Variants in PCDH1 observed in about 807,000 individuals in gnomAD.
PCDH1 encodes protocadherin 1.
PCDH1 carries 23 observed loss-of-function variants against 74.6 expected under a neutral mutation model. That is an observed-to-expected ratio of 0.31 (90% CI 0.22 to 0.44). PCDH1 has a LOEUF of 0.44. PCDH1 is among the 20% of genes least tolerant of loss of function. The probability of loss-of-function intolerance (pLI) is 1.00; values close to 1 mark genes in which losing one functional copy is unlikely to be tolerated. For synonymous variants in PCDH1, 647 were observed against 686.1 expected, an observed-to-expected ratio of 0.94 and a Z score of 0.89; for missense variants, 1,214 against 1,641.4, an observed-to-expected ratio of 0.74 and a Z score of 4.50.
In PCDH1 at chr5:141,854,299, A is replaced by G; in HGVS notation, c.3457T>C (p.Ser1153Pro). The change falls in exon 5 of 5, where the codon TCC becomes CCC. Residue 1153 changes from serine (S) to proline (P), a missense_variant. Transcript: ENST00000287008. ...RRTKSSALKL[S>P]TFVPYQDRGG... ...CGGTCCTGGTAAGGCACGAAGGTGGAGAGTTTGAGGGCGCTGCTCTTGGTC... is the reference window on the plus strand; with the variant it reads ...CGGTCCTGGTAAGGCACGAAGGTGGGGAGTTTGAGGGCGCTGCTCTTGGTC... 1.2e-6 allele frequency: 2 copies of G among 1,613,690 alleles called. No homozygotes were observed. Among genetic ancestry groups the G allele is most frequent in the Non-Finnish European group, 1.7e-6 (2 of 1,179,922 alleles).
At chr5:141,855,527 A>G (rs376194139) in intron 4 of PCDH1, among the ~76,000 whole-genome samples, 116 of 152,088 alleles carry the variant, frequency 7.6e-4, no homozygotes, top group African/African-American at 2.6e-3. Context: ...ACACAAATCT[A>G]CTACAGTGGG....
chr5:141,863,655 C>A lies in PCDH1; in HGVS notation c.2676G>T (p.Glu892Asp). 1 of 1,614,184 alleles carries A rather than the reference C, an allele frequency of 6.2e-7. No homozygotes were observed. The highest frequency in any genetic ancestry group is 8.5e-7 in the Non-Finnish European group (1 of 1,180,016). ...AKSGYQAGKK[E>D]TKDLYAPKPS... is the part of the protein sequence containing the mutation. ...GCTTGGGGGCATACAGGTCCTTGGT[C>A]TCCTTCTTACCAGCCTGGTAACCAC... The change falls in exon 3 of 5, where the codon GAG becomes GAT. Residue 892 changes from glutamate (E) to aspartate (D), a missense_variant. By Grantham distance (45) the Glu-to-Asp change is conservative (BLOSUM62 2). Coordinates refer to ENST00000287008, the MANE Select transcript of PCDH1 (RefSeq NM_032420.5). The surrounding 1 kb of genome is among the most constrained non-coding windows in gnomAD (Gnocchi z 7.5).
chr5:141,866,825 C>T (rs1367113578), intron 2 of PCDH1, among the ~76,000 whole-genome samples: 1 of 152,166 alleles, frequency 6.6e-6, no homozygotes, highest in Non-Finnish European at 1.5e-5. Context: ...TTTTGTCTGT[C>T]CAACCATCTA....
intron 1 of PCDH1, among the ~76,000 whole-genome samples, chr5:141,873,148 A>G (rs1222271727): frequency 6.6e-6 from 1 of 151,080 alleles, no homozygotes; most frequent in Non-Finnish European, 1.5e-5. Context: ...TTTTTTTGAG[A>G]CAGAGTCTCA....
intron 4 of PCDH1, among the ~76,000 whole-genome samples, chr5:141,855,342 C>T (rs1752295291): frequency 6.6e-6 from 1 of 151,012 alleles, no homozygotes; most frequent in East Asian, 2.0e-4. Flanking sequence ...AATCTGCCCT[C>T]AGACAGGTGC....
chr5:141,863,032 C>A lies in PCDH1; in HGVS notation c.3099+200G>T. 1 of 1,306,722 alleles carries A rather than the reference C, an allele frequency of 7.7e-7. No individual in the cohort carries two copies. The highest frequency in any genetic ancestry group is 9.7e-7 in the Non-Finnish European group (1 of 1,028,146). The allele number at this position is 1,306,722 out of a possible 1,614,324, so 80.9% of individuals were successfully genotyped here. A position where few individuals can be genotyped will look rare whatever the true frequency, so the allele number is the denominator to read the frequency against. On this transcript the variant is annotated intron_variant, in intron 3 of 4. Transcript: ENST00000287008. This position sits in a 1 kb window ranked among gnomAD's most constrained non-coding sequence, Gnocchi z 7.5. ...GCAGGGAGGAGACCACAGAGCACAC[C>A]CTCCCTTAATCTTCACTCAGCCTAA...
At chr5:141,866,457 G>A (rs559148506) in intron 2 of PCDH1, among the ~76,000 whole-genome samples, 2 of 152,346 alleles carry the variant, frequency 1.3e-5, no homozygotes, top group Admixed American at 6.5e-5. Context: ...AGGTGGGAAT[G>A]GCCATGGGGT....
At position 141,868,870 on chromosome 5, in the gene PCDH1, C is replaced by G; in HGVS notation, c.602G>C (p.Gly201Ala). 1.2e-6 allele frequency: 2 copies of G among 1,614,224 alleles called. No homozygotes were observed. Among genetic ancestry groups the G allele is most frequent in the Non-Finnish European group, 1.7e-6 (2 of 1,180,036 alleles). Residue 201 changes from glycine to alanine, a missense_variant, in exon 2 of 5, where the codon GGT becomes GCT. Around this residue, in one of 4 missense-constraint regions of PCDH1, gnomAD observed 836 missense variants for 1,182.2 expected, o/e 0.71. Coordinates refer to ENST00000287008, the MANE Select transcript of PCDH1 (RefSeq NM_032420.5). The surrounding 1 kb of genome is among the most constrained non-coding windows in gnomAD (Gnocchi z 4.8). ...LASDRDAGPNGVASYELQAGP... is the reference protein window; with the variant it reads ...LASDRDAGPNAVASYELQAGP... ...AGCCTGCAGCTCATAGGATGCCACA[C>G]CGTTGGGACCAGCATCACGGTCTGA...
At position 141,869,035 on chromosome 5, in the gene PCDH1, T is replaced by C; in HGVS notation, c.437A>G (p.Asn146Ser). The C allele has an allele frequency of 1.2e-6, 2 of 1,614,154 alleles. No homozygotes were observed. Among genetic ancestry groups the C allele is most frequent in the Non-Finnish European group, 8.5e-7 (1 of 1,180,020 alleles). ...GCCCTCTAGCAGCCGGGGGCTGCCATTCTGCACGAGGTCTGTGATAGATAC... is the reference window on the plus strand; with the variant it reads ...GCCCTCTAGCAGCCGGGGGCTGCCACTCTGCACGAGGTCTGTGATAGATAC... ...FEVSITDLVQ[N>S]GSPRLLEGQI... is the part of the protein sequence containing the mutation. Residue 146 changes from asparagine to serine, a missense_variant, in exon 2 of 5, where the codon AAT (asparagine) becomes AGT (serine). By Grantham distance (46) the Asn-to-Ser change is conservative. Around this residue, in one of 4 missense-constraint regions of PCDH1, gnomAD observed 97 missense variants for 173.2 expected, o/e 0.56. Coordinates refer to ENST00000287008, the MANE Select transcript of PCDH1 (RefSeq NM_032420.5). The surrounding 1 kb of genome is among the most constrained non-coding windows in gnomAD (Gnocchi z 4.9).
chr5:141,867,435 C>T (rs1029724295), intron 2 of PCDH1: 10 of 363,530 alleles, frequency 2.8e-5, no homozygotes, highest in African/African-American at 1.9e-4. Flanking sequence ...TGTTTGGGCC[C>T]GGTTTCTCAT....
At chr5:141,867,415 T>G in intron 2 of PCDH1, 1 of 323,696 alleles carries the variant, frequency 3.1e-6, no homozygotes, top group Non-Finnish European at 6.0e-6. Flanking sequence ...ATCAGGCGAG[T>G]TTTCTAATCT....
rs1430805212 is a variant in PCDH1 at position 141,857,288 on chromosome 5, CA to C, written c.3282del (p.Asp1095MetfsTer4). ...TGCTCCATCTCTCCTATGCTGCCAT[CA>C]GGGGTGGTGCGCTCATAGTGATCCT... Reference protein sequence around the residue: ...LPEDHYERTTPDGSIGEMEHP... With the variant: ...LPEDHYERTTXDGSIGEMEHP... On this transcript the variant is annotated frameshift_variant, in exon 4 of 5. Transcript: ENST00000287008. LOFTEE classifies it high-confidence loss of function. The C allele has an allele frequency of 6.2e-7, 1 of 1,608,520 alleles. No homozygotes were observed. Among genetic ancestry groups the C allele is most frequent in the Non-Finnish European group, 8.5e-7 (1 of 1,177,772 alleles).
At chr5:141,873,869 C>T (rs1331289967) in intron 1 of PCDH1, among the ~76,000 whole-genome samples, 5 of 152,136 alleles carry the variant, frequency 3.3e-5, no homozygotes, top group Non-Finnish European at 7.4e-5. Flanking sequence ...TGATCTCTTT[C>T]CTCCCAACCC....
At position 141,863,116 on chromosome 5, in the gene PCDH1, CCAACA is replaced by C. The variant is rs1752633958; in HGVS notation, c.3099+111_3099+115del. On this transcript the variant is annotated intron_variant, in intron 3 of 4. Transcript: ENST00000287008. This position sits in a 1 kb window ranked among gnomAD's most constrained non-coding sequence, Gnocchi z 7.5. ...TCCCACTGCTGGCTCAGGCTGGCCC[CCAACA>C]CGGGCAGGCACAGTAAACCTGCTCC... 1 of 1,422,532 alleles carries C rather than the reference CCAACA, an allele frequency of 7.0e-7. No homozygotes were observed. Among genetic ancestry groups the C allele is most frequent in the African/African-American group, 1.4e-5 (1 of 70,686 alleles). The allele number at this position is 1,422,532 out of a possible 1,614,324, so 88.1% of individuals were successfully genotyped here. A position where few individuals can be genotyped will look rare whatever the true frequency, so the allele number is the denominator to read the frequency against.
At position 141,869,285 on chromosome 5, in the gene PCDH1, T is replaced by C. The variant is rs148187969; in HGVS notation, c.187A>G (p.Lys63Glu). 6.2e-7 allele frequency: 1 copy of C among 1,608,040 alleles called. No homozygotes were observed. The highest frequency in any genetic ancestry group is 2.2e-5 in the East Asian group (1 of 44,630). ...TTGGGTGGCTGTTCCTCCGGCACCT[T>C]GTACACTACCCGAGTGGCGTGGCCT... ...SPGHATRVVY[K>E]VPEEQPPNTL... The change falls in exon 2 of 5, where the codon AAG (lysine) becomes GAG (glutamate). Residue 63 changes from lysine (K) to glutamate (E), a missense_variant. Physicochemically the swap from Lys to Glu is moderately conservative, Grantham distance 56 (BLOSUM62 1). Transcript: ENST00000287008. This position sits in a 1 kb window ranked among gnomAD's most constrained non-coding sequence, Gnocchi z 4.9.
intron 1 of PCDH1, among the ~76,000 whole-genome samples, chr5:141,875,373 C>A (rs1006247416): frequency 6.6e-6 from 1 of 152,092 alleles, no homozygotes; most frequent in African/African-American, 2.4e-5. Context: ...CCACCATGGA[C>A]CCTGGCAGAT....
At chr5:141,855,879 A>G (rs1399516579) in intron 4 of PCDH1, among the ~76,000 whole-genome samples, 1 of 152,042 alleles carries the variant, frequency 6.6e-6, no homozygotes, top group East Asian at 1.9e-4. Flanking sequence ...TCTCCATGGG[A>G]ACGGCTGGGC....
At chr5:141,867,006 A>G (rs894030562) in intron 2 of PCDH1, among the ~76,000 whole-genome samples, 2 of 152,108 alleles carry the variant, frequency 1.3e-5, no homozygotes, top group Admixed American at 6.5e-5. Context: ...TTCCCCAGGT[A>G]CCCTGGTCTC....
At chr5:141,856,346 G>A (rs1752337393) in intron 4 of PCDH1, 2 of 1,113,078 alleles carry the variant, frequency 1.8e-6, no homozygotes, top group Non-Finnish European at 2.6e-6. Flanking sequence ...CTGAGACCTA[G>A]GGCCTGGGAG....
Sources: allele counts gnomAD v4.1 joint callset (sites outside exome capture counted in the v4.1 genomes callset), GRCh38; gene constraint gnomAD v4.1.1; regional missense constraint gnomAD v4.1.1; non-coding constraint Gnocchi (gnomAD v3.1); transcripts MANE v1.5; gene names NCBI Gene and HGNC (gene_info 2026-07-23, HGNC 2026-07-21).